The following DLG2 variants were observed in gnomAD, a reference collection of about 807,000 sequenced individuals.
DLG2 encodes the protein disks large homolog 2.
Under a neutral mutation model 132.5 loss-of-function variants are expected in DLG2, and 45 were observed. The observed-to-expected ratio is 0.34, with a 90% CI of 0.27 to 0.44. DLG2 has a LOEUF of 0.44. DLG2 is among the 20% of genes least tolerant of loss of function. The probability of loss-of-function intolerance (pLI) is 1.00; values close to 1 mark genes in which losing one functional copy is unlikely to be tolerated. For missense variants in DLG2, 1,045 were observed against 1,196.9 expected, an observed-to-expected ratio of 0.87 and a Z score of 1.87; for synonymous variants, 424 against 419.6, an observed-to-expected ratio of 1.01 and a Z score of -0.13.
At position 85,508,651 on chromosome 11, in the gene DLG2, C is replaced by T. The variant is rs553890694; in HGVS notation, c.40+90006G>A. Among the ~76,000 whole-genome samples the T allele has an allele frequency of 2.5e-4, 38 of 152,058 alleles. 2 individuals carry two copies. In the South Asian group the frequency reaches 3.9e-3, roughly 16 times the overall value. ...CTAGAACAATTGATGGCAAATTATA[C>T]GCACCCAATAGTTATTAAATGAATA... On this transcript the variant is annotated intron_variant, in intron 3 of 27. Coordinates refer to ENST00000376104, the MANE Select transcript of DLG2 (RefSeq NM_001142699.3).
At chr11:84,596,241 C>G (rs545159359) in intron 6 of DLG2, among the ~76,000 whole-genome samples, 1 of 150,860 alleles carries the variant, frequency 6.6e-6, no homozygotes, top group East Asian at 2.0e-4. Context: ...GAGCTTTGCT[C>G]TTATCACCCA....
At chr11:84,893,667 T>C (rs144494340) in intron 6 of DLG2, among the ~76,000 whole-genome samples, 23 of 152,276 alleles carry the variant, frequency 1.5e-4, no homozygotes, top group African/African-American at 5.3e-4. Flanking sequence ...CAGTGACGGT[T>C]TGTTAGCTTG....
Position 83,500,485 on chromosome 11 carries a change from G to A in DLG2, c.2194-16257C>T, listed in dbSNP as rs914474339. 2.6e-5 allele frequency among the ~76,000 whole-genome samples: 4 copies of A among 152,150 alleles called. No homozygotes were observed. In the East Asian group the frequency reaches 7.7e-4, roughly 29 times the overall value. On this transcript the variant is annotated intron_variant, in intron 21 of 27. Transcript: ENST00000376104. ...GTTGTTGCACTGTATTATCCACCAC[G>A]GCTACATTTCTTCCAACATCCATCC...
intron 5 of DLG2, among the ~76,000 whole-genome samples, chr11:85,153,705 C>CT (rs139299335): frequency 0.091 from 13,784 of 152,044 alleles, 848 homozygotes; most frequent in African/African-American, 0.17. Flanking sequence ...TCATTAATAT[C>CT]TTTTTATTTT....
At chr11:84,694,861 G>A (rs149682640) in intron 6 of DLG2, among the ~76,000 whole-genome samples, 1 of 151,638 alleles carries the variant, frequency 6.6e-6, no homozygotes, top group Non-Finnish European at 1.5e-5. Context: ...AGAGCAGATG[G>A]ATTTAGCTAT....
chr11:84,398,143 G>C (rs1244532835), intron 7 of DLG2, among the ~76,000 whole-genome samples: 4 of 152,152 alleles, frequency 2.6e-5, no homozygotes, highest in Non-Finnish European at 5.9e-5. Flanking sequence ...GATATACAGC[G>C]CTTTGGCAAC....
intron 3 of DLG2, among the ~76,000 whole-genome samples, chr11:85,376,972 T>G (rs1023517432): frequency 6.6e-6 from 1 of 152,186 alleles, no homozygotes; most frequent in Non-Finnish European, 1.5e-5. Context: ...TCAGGCACTC[T>G]TCTAAGCACC....
At chr11:85,070,965 G>A (rs552926587) in intron 6 of DLG2, among the ~76,000 whole-genome samples, 1 of 151,840 alleles carries the variant, frequency 6.6e-6, no homozygotes, top group Non-Finnish European at 1.5e-5. Context: ...CTTGGACACT[G>A]GAGTCAGTCT....
intron 19 of DLG2, among the ~76,000 whole-genome samples, chr11:83,575,585 A>C (rs984709683): frequency 4.6e-5 from 7 of 152,236 alleles, no homozygotes; most frequent in African/African-American, 1.4e-4. Flanking sequence ...AAGGATGAGT[A>C]GGATCAATAC....
intron 3 of DLG2, among the ~76,000 whole-genome samples, chr11:85,313,680 T>C (rs1349352132): frequency 6.6e-6 from 1 of 152,068 alleles, no homozygotes; most frequent in Non-Finnish European, 1.5e-5. Flanking sequence ...AATGAACCTA[T>C]TTATTCATAA....
At chr11:83,778,266 T>C (rs1298174286) in intron 18 of DLG2, among the ~76,000 whole-genome samples, 1 of 152,100 alleles carries the variant, frequency 6.6e-6, no homozygotes, top group African/African-American at 2.4e-5. Flanking sequence ...GTAATACTTG[T>C]AGAGTCAAGA....
At chr11:84,845,034 T>A (rs758766316) in intron 6 of DLG2, among the ~76,000 whole-genome samples, 1 of 152,104 alleles carries the variant, frequency 6.6e-6, no homozygotes, top group Non-Finnish European at 1.5e-5. Flanking sequence ...ATTCCAATCA[T>A]AGAGTTAATC....
chr11:85,387,221 A>C (rs1355629539), intron 3 of DLG2, among the ~76,000 whole-genome samples: 2 of 152,162 alleles, frequency 1.3e-5, no homozygotes, highest in Non-Finnish European at 1.5e-5. Context: ...TTTGTGAAGA[A>C]CATTCCAGTG....
chr11:83,916,863 C>T (rs1485249195), intron 15 of DLG2, among the ~76,000 whole-genome samples: 2 of 152,112 alleles, frequency 1.3e-5, no homozygotes, highest in Non-Finnish European at 2.9e-5. Flanking sequence ...AGAAAAAGCA[C>T]TACCACCTGA....
At chr11:85,463,086 G>A (rs1256820039) in intron 3 of DLG2, among the ~76,000 whole-genome samples, 4 of 152,176 alleles carry the variant, frequency 2.6e-5, no homozygotes, top group Non-Finnish European at 1.5e-5. Flanking sequence ...GTCCAGAACT[G>A]AGAGAAAATA....
chr11:85,244,070 GTC>G (rs2076020831), intron 4 of DLG2, among the ~76,000 whole-genome samples: 1 of 151,890 alleles, frequency 6.6e-6, no homozygotes, highest in Admixed American at 6.6e-5. Context: ...TTAGTTTCCT[GTC>G]TCTCCACATT....
intron 20 of DLG2, among the ~76,000 whole-genome samples, chr11:83,536,097 T>C (rs1010326899): frequency 6.6e-6 from 1 of 152,142 alleles, no homozygotes; most frequent in Non-Finnish European, 1.5e-5. Flanking sequence ...CACATACATA[T>C]CCTTAGAAGT....
At chr11:84,617,333 C>T (rs1217548295) in intron 6 of DLG2, among the ~76,000 whole-genome samples, 1 of 152,144 alleles carries the variant, frequency 6.6e-6, no homozygotes, top group Admixed American at 6.6e-5. Flanking sequence ...TATATGGCCA[C>T]ATAGTATTCC....
intron 18 of DLG2, among the ~76,000 whole-genome samples, chr11:83,668,717 G>A (rs555578775): frequency 1.0e-5 from 1 of 96,072 alleles, no homozygotes; most frequent in Non-Finnish European, 2.0e-5. Flanking sequence ...ATATATATGT[G>A]TATATAAACA....
Sources: gnomAD v4.1 joint callset for allele counts (sites outside exome capture counted in the v4.1 genomes callset) on GRCh38, gnomAD v4.1.1 for gene constraint, MANE v1.5 for transcripts, NCBI Gene and HGNC (gene_info 2026-07-23, HGNC 2026-07-21) for gene names.